IRAG2: variants seen among roughly 807,000 people sequenced by gnomAD.
IRAG2 encodes the protein inositol 1,4,5-triphosphate receptor associated 2, also known as lymphoid restricted membrane protein.
Under a neutral mutation model 69.9 loss-of-function variants are expected in IRAG2, and 45 were observed. The ratio of observed to expected loss-of-function variants is 0.64; its 90% CI spans 0.51 to 0.83. The LOEUF (loss-of-function observed/expected upper bound fraction) is 0.83, where lower values mean the gene tolerates loss of function less well. Among genes scored for constraint, IRAG2 ranks in the 40% least tolerant of loss-of-function variants. IRAG2 has a pLI of 0.00. For synonymous variants in IRAG2, 193 were observed against 202.4 expected (o/e 0.95, Z 0.40); for missense variants, 520 against 587.0 (o/e 0.89, Z 1.18).
rs140671900 is a variant in IRAG2 at position 25,066,941 on chromosome 12, C to T, written c.-59+429C>T. On this transcript the variant is annotated intron_variant, in intron 5 of 21. Transcript: ENST00000556887. ...CTGGGATTACAGGTGTGAGCCACCA[C>T]GCCCAGCCGAAAATTTACAATTTTG... 5.0e-3 allele frequency among the ~76,000 whole-genome samples: 756 copies of T among 152,172 alleles called. 8 individuals carry two copies. The highest frequency in any genetic ancestry group is 0.017 in the African/African-American group (707 of 41,524).
At chr12:25,032,983 G>A (rs1161558148) in intron 12 of IRAG2, among the ~76,000 whole-genome samples, 1 of 146,048 alleles carries the variant, frequency 6.8e-6, no homozygotes, top group African/African-American at 2.5e-5. Flanking sequence ...TGGAGGTGGA[G>A]TCTTGCTCTG....
At chr12:25,074,172 C>T (rs1946517683) in intron 6 of IRAG2, among the ~76,000 whole-genome samples, 1 of 152,184 alleles carries the variant, frequency 6.6e-6, no homozygotes, top group Non-Finnish European at 1.5e-5. Flanking sequence ...AATAAACACA[C>T]ACAAATACTT....
At chr12:25,053,181 G>T (rs1344179997) in intron 1 of IRAG2, among the ~76,000 whole-genome samples, 2 of 151,764 alleles carry the variant, frequency 1.3e-5, no homozygotes, top group East Asian at 3.9e-4. Context: ...TTTATTATAA[G>T]CTGGTTTTGT....
chr12:25,010,480 A>C (rs73067051), intron 2 of IRAG2, among the ~76,000 whole-genome samples: 43,169 of 151,308 alleles, frequency 0.29, 6,780 homozygotes, highest in South Asian at 0.48. Flanking sequence ...AACAAACAAA[A>C]AAAAAAAACA....
rs2140285127 is a variant in IRAG2, at chr12:25,106,965, T to C, written c.1171T>C (p.Ser391Pro). 3 of 1,599,082 alleles carry C rather than the reference T, an allele frequency of 1.9e-6. 1 individual carries two copies. The highest frequency in any genetic ancestry group is 4.5e-5 in the East Asian group (2 of 44,302). Residue 391 changes from serine (S) to proline (P), a missense_variant, in exon 21 of 22, where the codon TCT becomes CCT. Coordinates refer to ENST00000556887, the MANE Select transcript of IRAG2 (RefSeq NM_001366544.2). The stretch of plus-strand genomic sequence containing the variant: ...CAGAACTAAAGATGACTCAGAGCCA[T>C]CTGGAGAAGAAACAGTAGAAAGGAC... ...ELKTKDDSEP[S>P]GEETVERTRK... is the part of the protein sequence containing the mutation.
intron 8 of IRAG2, among the ~76,000 whole-genome samples, chr12:25,026,511 G>A (rs1364467990): frequency 6.6e-6 from 1 of 152,166 alleles, no homozygotes; most frequent in Non-Finnish European, 1.5e-5. Flanking sequence ...CGGGTTCCAG[G>A]GGGGATTGAA....
intron 13 of IRAG2, among the ~76,000 whole-genome samples, chr12:25,035,253 A>C (rs1320836435): frequency 6.6e-6 from 1 of 152,218 alleles, no homozygotes; most frequent in African/African-American, 2.4e-5. Flanking sequence ...TACTTTGTGA[A>C]ACATCATATG....
intron 6 of IRAG2, among the ~76,000 whole-genome samples, chr12:25,019,436 G>A (rs940470223): frequency 6.6e-6 from 1 of 152,150 alleles, no homozygotes; most frequent in Non-Finnish European, 1.5e-5. Flanking sequence ...GGGATGGTGT[G>A]GAAAGATAAT....
intron 15 of IRAG2, 104 bp from the exon 16 acceptor site, chr12:25,101,074 T>G (rs766388212): frequency 1.3e-5 from 12 of 947,566 alleles, no homozygotes; most frequent in Non-Finnish European, 1.8e-5. Context: ...TATTGCCACT[T>G]TAGTGGGATT....
chr12:25,083,026 T>C (rs1424894107), intron 9 of IRAG2, among the ~76,000 whole-genome samples: 10 of 152,202 alleles, frequency 6.6e-5, no homozygotes, highest in Admixed American at 5.9e-4. Flanking sequence ...TTATCAGCCT[T>C]GCAAATACAA....
chr12:25,065,474 G>C (rs1945919913), intron 4 of IRAG2, among the ~76,000 whole-genome samples: 1 of 152,164 alleles, frequency 6.6e-6, no homozygotes, highest in South Asian at 2.1e-4. Flanking sequence ...TAAATGATTT[G>C]TGATCTCAAC....
chr12:25,049,064 G>A (rs1035604507), upstream of IRAG2, among the ~76,000 whole-genome samples: 1 of 152,186 alleles, frequency 6.6e-6, no homozygotes, highest in African/African-American at 2.4e-5. Context: ...CTGGTGTACA[G>A]TCCTATTTCT....
chr12:25,004,685 C>A, exon 1 of IRAG2: 2 of 1,232,132 alleles, frequency 1.6e-6, no homozygotes, highest in Non-Finnish European at 2.0e-6. Flanking sequence ...GTTATTCTCA[C>A]AAGTTCTGAA....
At chr12:25,022,669 G>T (rs1325303267) in intron 7 of IRAG2, among the ~76,000 whole-genome samples, 2 of 152,166 alleles carry the variant, frequency 1.3e-5, no homozygotes, top group African/African-American at 4.8e-5. Context: ...ACTAAAAAAT[G>T]TAATAGAGCA....
chr12:25,064,053 C>CA (rs1019494644), intron 4 of IRAG2, among the ~76,000 whole-genome samples: 124 of 152,278 alleles, frequency 8.1e-4, no homozygotes, highest in African/African-American at 2.9e-3. Flanking sequence ...ATAATCCCAG[C>CA]ACCTTGGGAG....
At chr12:25,020,888 T>A (rs530369165) in exon 7 of IRAG2, 1 of 1,231,032 alleles carries the variant, frequency 8.1e-7, no homozygotes, top group South Asian at 4.1e-5. Flanking sequence ...AGCATGATTG[T>A]AGCCCAGAGC....
upstream of IRAG2, among the ~76,000 whole-genome samples, chr12:25,050,687 C>T (rs1157786185): frequency 6.6e-5 from 10 of 152,126 alleles, no homozygotes; most frequent in African/African-American, 2.4e-4. Context: ...TTCCCATATT[C>T]ACTGCGGCAT....
chr12:25,050,965 G>C (rs1296510085), upstream of IRAG2, among the ~76,000 whole-genome samples: 1 of 152,210 alleles, frequency 6.6e-6, no homozygotes, highest in Non-Finnish European at 1.5e-5. Context: ...GTTGCCAGGA[G>C]CTAGGGGAGG....
intron 14 of IRAG2, 139 bp from the exon 15 acceptor site, chr12:25,096,771 T>C (rs187070299): frequency 3.2e-4 from 208 of 650,308 alleles, no homozygotes; most frequent in African/African-American, 3.0e-3. Flanking sequence ...CATTCATTAT[T>C]GATCTTTGCT....
Sources: gnomAD v4.1 joint callset for allele counts (sites outside exome capture counted in the v4.1 genomes callset) on GRCh38, gnomAD v4.1.1 for gene constraint, MANE v1.5 for transcripts, NCBI Gene and HGNC (gene_info 2026-07-23, HGNC 2026-07-21) for gene names.